The following HNRNPUL2 variants were observed in gnomAD, a reference collection of about 807,000 sequenced individuals.
The protein encoded by HNRNPUL2 is heterogeneous nuclear ribonucleoprotein U like 2.
In HNRNPUL2, 27 loss-of-function variants were observed where a neutral mutation model predicts 102.2. That is an observed-to-expected ratio of 0.26 (90% confidence interval 0.19 to 0.36). The LOEUF (loss-of-function observed/expected upper bound fraction) is 0.36, where lower values mean the gene tolerates loss of function less well. Among genes scored for constraint, HNRNPUL2 ranks in the 10% least tolerant of loss-of-function variants. HNRNPUL2 has a pLI of 1.00. For synonymous variants in HNRNPUL2, 458 were observed against 387.2 expected (o/e 1.18, Z -2.15); for missense variants, 936 against 981.1 (o/e 0.95, Z 0.61).
chr11:62,721,990 T>C (rs748390390), intron 7 of HNRNPUL2, 48 bp from the exon 8 acceptor site: 3 of 1,610,790 alleles, frequency 1.9e-6, no homozygotes, highest in Non-Finnish European at 2.5e-6. Context: ...ATGAGGGTCA[T>C]GTTTATCAAA....
In HNRNPUL2 at chr11:62,721,543, A is replaced by G. The variant is rs1357078635; in HGVS notation, c.1483-120T>C. ...AATACTGAATCTATGATATCACTCT[A>G]TTCCCATTCTTCAGTGCTGTGAATG... On this transcript the variant is annotated intron_variant, in intron 8 of 13. Transcript: ENST00000301785. The G allele has an allele frequency of 1.1e-5, 11 of 985,842 alleles. No homozygotes were observed. The East Asian group carries it at 2.7e-4, about 24-fold the overall frequency. The allele number at this position is 985,842 out of a possible 1,614,324, so 61.1% of individuals were successfully genotyped here.
At chr11:62,716,377 C>T (rs2083660579) in intron 11 of HNRNPUL2, among the ~76,000 whole-genome samples, 1 of 152,138 alleles carries the variant, frequency 6.6e-6, no homozygotes, top group African/African-American at 2.4e-5. Context: ...TTTACAGTAC[C>T]TAGCACATAG....
Position 62,724,372 on chromosome 11 carries a change from C to T in HNRNPUL2, c.593G>A (p.Arg198Gln). ...CTCATCCCGCTGTCTCTTTACCCCC[C>T]GCCGCTCACCATCTGAGCCTGCTGG... ...SKPAGSDGERRGVKRQRDEKD... is the reference protein window; with the variant it reads ...SKPAGSDGERQGVKRQRDEKD... The change falls in exon 2 of 14, where the codon CGG (arginine) becomes CAG (glutamine). Residue 198 changes from arginine (R) to glutamine (Q), a missense_variant. Transcript: ENST00000301785. 2 of 1,613,896 alleles carry T rather than the reference C, an allele frequency of 1.2e-6. No homozygotes were observed. Among genetic ancestry groups the T allele is most frequent in the Non-Finnish European group, 1.7e-6 (2 of 1,179,868 alleles).
rs544113074 is a variant in HNRNPUL2, at chr11:62,727,275, C to T, written c.-119G>A. On this transcript the variant is annotated 5_prime_UTR_variant, in exon 1 of 14. Transcript: ENST00000301785. ...CCGCCTCACGCGCCAGCACTGAGCC[C>T]GCGCGAGCGAGCGCACGCACGCAGG... 5.1e-5 allele frequency: 61 copies of T among 1,194,670 alleles called. No individual in the cohort carries two copies. Among genetic ancestry groups the T allele is most frequent in the Non-Finnish European group, 6.1e-5 (58 of 958,420 alleles). 74.0% of individuals were successfully genotyped at this position (1,194,670 alleles called of 1,614,324 possible).
At position 62,722,384 on chromosome 11, in the gene HNRNPUL2, C is replaced by A; in HGVS notation, c.1096-4G>T. On this transcript the variant is annotated splice_polypyrimidine_tract_variant and splice_region_variant and intron_variant, in intron 6 of 13. Coordinates refer to ENST00000301785, the MANE Select transcript of HNRNPUL2 (RefSeq NM_001079559.3). ...CTACTTCTTCAGTCTCAAAATTCTA[C>A]AATGACAAGGGACAAGAGCACTTAT... 6.2e-7 allele frequency: 1 copy of A among 1,613,228 alleles called. No homozygotes were observed. The highest frequency in any genetic ancestry group is 1.7e-5 in the Admixed American group (1 of 59,904).
In HNRNPUL2 at chr11:62,712,817, G is replaced by A. The variant is rs993258974; in HGVS notation, c.*2482C>T. The A allele has an allele frequency of 6.6e-6, 1 of 152,060 alleles. No homozygotes were observed. Among genetic ancestry groups the A allele is most frequent in the Non-Finnish European group, 1.5e-5 (1 of 68,026 alleles). 9.4% of individuals were successfully genotyped at this position (152,060 alleles called of 1,614,324 possible). On this transcript the variant is annotated 3_prime_UTR_variant, in exon 14 of 14. Coordinates refer to ENST00000301785, the MANE Select transcript of HNRNPUL2 (RefSeq NM_001079559.3). ...CTTCCAAGAATGCTTTACAGGTTGT[G>A]CAAAAACATTTACAGGCTCCATGTG...
chr11:62,726,598 G>T, intron 1 of HNRNPUL2, 21 bp downstream of exon 1: 1 of 1,522,502 alleles, frequency 6.6e-7, no homozygotes, highest in Non-Finnish European at 8.8e-7. Flanking sequence ...TTGGAGCCGG[G>T]CTCGGCTGCC....
Position 62,717,083 on chromosome 11 carries a change from T to C in HNRNPUL2, c.1887A>G (p.Ala629=). Residue 629 remains alanine, a synonymous_variant, in exon 11 of 14, where the codon GCA becomes GCG. Coordinates refer to ENST00000301785, the MANE Select transcript of HNRNPUL2 (RefSeq NM_001079559.3). ...TCTCGGAGGGGGGCAGAAGCTTCCT[T>C]GCCTCCTCCTTGTACTTAGTGACAA... The part of the protein sequence containing the change: ...QPIVTKYKEE[A]RKLLPPSEKR... 6.2e-7 allele frequency: 1 copy of C among 1,614,206 alleles called. No individual in the cohort carries two copies. Among genetic ancestry groups the C allele is most frequent in the Admixed American group, 1.7e-5 (1 of 60,022 alleles).
Position 62,714,183 on chromosome 11 carries a change from T to C in HNRNPUL2, c.*1116A>G, listed in dbSNP as rs914942916. 7.4e-6 allele frequency: 1 copy of C among 135,204 alleles called. No homozygotes were observed. The highest frequency in any genetic ancestry group is 1.6e-5 in the Non-Finnish European group (1 of 63,530). 8.4% of individuals were successfully genotyped at this position (135,204 alleles called of 1,614,324 possible). The stretch of plus-strand genomic sequence containing the variant: ...CTCTTCTATTCATTCTCTACCTGTG[T>C]ATCAAAAAAACCAGCAGGGCACGAG... On this transcript the variant is annotated 3_prime_UTR_variant, in exon 14 of 14. Coordinates refer to ENST00000301785, the MANE Select transcript of HNRNPUL2 (RefSeq NM_001079559.3).
intron 10 of HNRNPUL2, among the ~76,000 whole-genome samples, chr11:62,719,497 G>C (rs1428009449): frequency 2.0e-5 from 3 of 152,102 alleles, no homozygotes; most frequent in Non-Finnish European, 4.4e-5. Context: ...CAAAATTATT[G>C]CTTCTCTCTG....
At chr11:62,722,031 T>G in intron 7 of HNRNPUL2, 86 bp downstream of exon 7, 2 of 1,603,346 alleles carry the variant, frequency 1.2e-6, no homozygotes, top group Non-Finnish European at 1.7e-6. Context: ...CCATTCCTGT[T>G]TGGTAACGCT....
At chr11:62,716,763 A>G (rs1193594504) in intron 11 of HNRNPUL2, among the ~76,000 whole-genome samples, 1 of 152,260 alleles carries the variant, frequency 6.6e-6, no homozygotes, top group Non-Finnish European at 1.5e-5. Context: ...TGTGAAAAGT[A>G]ACTCTTTTTT....
At position 62,722,234 on chromosome 11, in the gene HNRNPUL2, G is replaced by A. The variant is rs754978117; in HGVS notation, c.1242C>T (p.Phe414=). The A allele has an allele frequency of 7.4e-6, 12 of 1,614,032 alleles. No homozygotes were observed. In the East Asian group the frequency reaches 1.1e-4, roughly 15 times the overall value. ...GGAAGAAGGGCTCCTCCTTCTGACCGAAGTTTAATTCTACAACACAATTTT... is the reference window on the plus strand; with the variant it reads ...GGAAGAAGGGCTCCTCCTTCTGACCAAAGTTTAATTCTACAACACAATTTT... The part of the protein sequence containing the change: ...LCKNCVVELN[F]GQKEEPFFPP... Residue 414 remains phenylalanine (F), a synonymous_variant, in exon 7 of 14, where the codon TTC becomes TTT. Coordinates refer to ENST00000301785, the MANE Select transcript of HNRNPUL2 (RefSeq NM_001079559.3).
chr11:62,715,278 C>T lies in HNRNPUL2; in HGVS notation c.*21G>A. On this transcript the variant is annotated 3_prime_UTR_variant, in exon 14 of 14. Coordinates refer to ENST00000301785, the MANE Select transcript of HNRNPUL2 (RefSeq NM_001079559.3). ...CCCAGAGATTCAGCTTCATGGCTGA[C>T]AGGTGACCATGGCAGGGGCTTCACC... 3 of 1,597,574 alleles carry T rather than the reference C, an allele frequency of 1.9e-6. No homozygotes were observed. Among genetic ancestry groups the T allele is most frequent in the Non-Finnish European group, 2.6e-6 (3 of 1,168,328 alleles).
chr11:62,721,706 A>G, intron 8 of HNRNPUL2, 114 bp downstream of exon 8: 1 of 1,258,148 alleles, frequency 7.9e-7, no homozygotes, highest in South Asian at 1.4e-5. Flanking sequence ...GAAAAATCTC[A>G]TTTCTCTATT....
chr11:62,724,087 T>C, intron 2 of HNRNPUL2, 97 bp from the exon 3 acceptor site: 1 of 1,216,428 alleles, frequency 8.2e-7, no homozygotes, highest in Non-Finnish European at 1.2e-6. Context: ...AAACTGTCAG[T>C]GAATATCAAA....
chr11:62,724,195 T>C, intron 2 of HNRNPUL2, 96 bp downstream of exon 2: 1 of 1,508,812 alleles, frequency 6.6e-7, no homozygotes, highest in South Asian at 1.2e-5. Flanking sequence ...CCTATTCCAT[T>C]TTGAATCCAC....
At chr11:62,722,738 C>A in intron 5 of HNRNPUL2, 25 bp from the exon 6 acceptor site, 2 of 1,606,956 alleles carry the variant, frequency 1.2e-6, no homozygotes. Context: ...AAATTAGTTA[C>A]CTACAACCGG....
At chr11:62,717,399 G>C (rs955937147) in intron 10 of HNRNPUL2, among the ~76,000 whole-genome samples, 1 of 152,164 alleles carries the variant, frequency 6.6e-6, no homozygotes, top group Non-Finnish European at 1.5e-5. Flanking sequence ...CCCAGGCAAA[G>C]GGCTATGTAG....
Sources: gnomAD v4.1 joint callset for allele counts (sites outside exome capture counted in the v4.1 genomes callset) on GRCh38, gnomAD v4.1.1 for gene constraint, MANE v1.5 for transcripts, NCBI Gene and HGNC (gene_info 2026-07-23, HGNC 2026-07-21) for gene names.